Variants in CAMK1D observed in about 807,000 individuals in gnomAD.
CAMK1D encodes calcium/calmodulin-dependent protein kinase type 1D.
In CAMK1D, 9 loss-of-function variants were observed where a neutral mutation model predicts 47.7. That is an observed-to-expected ratio of 0.19 (90% CI 0.11 to 0.33). The LOEUF (loss-of-function observed/expected upper bound fraction) is 0.33. Ranked by LOEUF, CAMK1D falls within the 10% of genes least tolerant of loss-of-function variation. The probability of loss-of-function intolerance (pLI) is 1.00; values close to 1 mark genes in which losing one functional copy is unlikely to be tolerated. For missense variants in CAMK1D, 291 were observed against 488.7 expected, an observed-to-expected ratio of 0.60 and a Z score of 3.81; for synonymous variants, 184 against 184.9, an observed-to-expected ratio of 0.99 and a Z score of 0.04.
At chr10:12,704,570 AAAG>A (rs1257336550) in intron 3 of CAMK1D, among the ~76,000 whole-genome samples, 3 of 152,172 alleles carry the variant, frequency 2.0e-5, no homozygotes, top group African/African-American at 7.2e-5. Flanking sequence ...GGAAAAAAAA[AAAG>A]AAAGATTACC....
At chr10:12,825,519 T>G in intron 9 of CAMK1D, 54 bp from the exon 10 acceptor site, 1 of 1,544,556 alleles carries the variant, frequency 6.5e-7, no homozygotes, top group Non-Finnish European at 8.8e-7. Flanking sequence ...ACAGTTAGAG[T>G]CTTTTCCGAT....
intron 2 of CAMK1D, among the ~76,000 whole-genome samples, chr10:12,618,494 AG>A (rs1371171903): frequency 6.6e-6 from 1 of 152,222 alleles, no homozygotes; most frequent in Non-Finnish European, 1.5e-5. Flanking sequence ...GTCCATAAAG[AG>A]TATCATGGAT....
intron 1 of CAMK1D, among the ~76,000 whole-genome samples, chr10:12,449,843 A>G (rs1428026926): frequency 6.6e-6 from 1 of 152,148 alleles, no homozygotes; most frequent in African/African-American, 2.4e-5. Flanking sequence ...TACTAAAAAT[A>G]TAGAAATTAT....
intron 2 of CAMK1D, among the ~76,000 whole-genome samples, chr10:12,651,101 G>A (rs914245814): frequency 8.6e-5 from 13 of 151,854 alleles, no homozygotes; most frequent in African/African-American, 1.7e-4. Context: ...CTTCCTCCCC[G>A]TGTTTCTTTA....
intron 2 of CAMK1D, among the ~76,000 whole-genome samples, chr10:12,625,307 G>A (rs1322243891): frequency 1.4e-5 from 2 of 138,266 alleles, no homozygotes; most frequent in Non-Finnish European, 3.0e-5. Flanking sequence ...TTGCACTCCA[G>A]CCTGGTGACA....
chr10:12,357,842 G>T (rs1837561621), intron 1 of CAMK1D, among the ~76,000 whole-genome samples: 1 of 152,012 alleles, frequency 6.6e-6, no homozygotes, highest in Non-Finnish European at 1.5e-5. Context: ...TTTCTCCGGG[G>T]TAGTTTTTTA....
chr10:12,623,484 C>T (rs1200180904), intron 2 of CAMK1D, among the ~76,000 whole-genome samples: 8 of 136,472 alleles, frequency 5.9e-5, no homozygotes, highest in African/African-American at 1.7e-4. Context: ...TCCTTCCTCC[C>T]TTCCTTCTTT....
At chr10:12,450,254 T>A (rs1397446003) in intron 1 of CAMK1D, among the ~76,000 whole-genome samples, 2 of 152,218 alleles carry the variant, frequency 1.3e-5, no homozygotes, top group Non-Finnish European at 2.9e-5. Context: ...TTTCTTAATA[T>A]CCAGTTTGTA....
intron 3 of CAMK1D, among the ~76,000 whole-genome samples, chr10:12,689,512 G>A (rs572659257): frequency 6.6e-6 from 1 of 152,186 alleles, no homozygotes; most frequent in South Asian, 2.1e-4. Context: ...GCGTGGTGGT[G>A]ACACCTGTAA....
intron 2 of CAMK1D, among the ~76,000 whole-genome samples, chr10:12,654,280 A>G (rs1425257575): frequency 1.3e-5 from 2 of 152,234 alleles, no homozygotes; most frequent in Admixed American, 1.3e-4. Flanking sequence ...TGAATCTGAA[A>G]CAAGCTTTCT....
intron 2 of CAMK1D, among the ~76,000 whole-genome samples, chr10:12,665,869 G>T (rs906751278): frequency 6.6e-6 from 1 of 152,248 alleles, no homozygotes; most frequent in African/African-American, 2.4e-5. Context: ...ACCTGCTGAC[G>T]CAGGGCCTGC....
chr10:12,663,648 G>A lies in CAMK1D; in HGVS notation c.225-3088G>A, dbSNP rs534121518. On this transcript the variant is annotated intron_variant, in intron 2 of 10. Coordinates refer to ENST00000619168, the MANE Select transcript of CAMK1D (RefSeq NM_153498.4). ...TCTCCACCAAATTCAGAGTACCTAG[G>A]ACTGTGCCTGATACATGGCAGGCAC... 3.8e-4 allele frequency among the ~76,000 whole-genome samples: 58 copies of A among 152,238 alleles called. No individual in the cohort carries two copies. In the South Asian group the frequency reaches 5.0e-3, roughly 13 times the overall value.
At chr10:12,563,011 A>G (rs1025870528) in intron 2 of CAMK1D, among the ~76,000 whole-genome samples, 1 of 152,252 alleles carries the variant, frequency 6.6e-6, no homozygotes, top group African/African-American at 2.4e-5. Context: ...AATAGGATAT[A>G]TGTAGATACA....
intron 3 of CAMK1D, among the ~76,000 whole-genome samples, chr10:12,693,940 AAATATAT>A (rs1258141002): frequency 2.2e-5 from 2 of 90,326 alleles, no homozygotes; most frequent in Non-Finnish European, 4.1e-5. Flanking sequence ...AACATATATA[AAATATAT>A]AATATATATT....
chr10:12,474,384 G>T (rs966640784), intron 1 of CAMK1D, among the ~76,000 whole-genome samples: 8 of 151,796 alleles, frequency 5.3e-5, no homozygotes, highest in Non-Finnish European at 1.2e-4. Flanking sequence ...TAGTAGAGAT[G>T]GGGTTTCACC....
At chr10:12,666,925 G>A in intron 3 of CAMK1D, 115 bp downstream of exon 3, 1 of 831,248 alleles carries the variant, frequency 1.2e-6, no homozygotes, top group Non-Finnish European at 2.0e-6. Context: ...GTAGGGAGCA[G>A]GGAGGCCTGT....
intron 1 of CAMK1D, among the ~76,000 whole-genome samples, chr10:12,413,176 A>C (rs1202765715): frequency 1.3e-5 from 2 of 152,210 alleles, no homozygotes; most frequent in African/African-American, 4.8e-5. Flanking sequence ...AAACCTCAGA[A>C]GCCTCAGAAG....
At chr10:12,397,874 T>TAC (rs1839019630) in intron 1 of CAMK1D, among the ~76,000 whole-genome samples, 2 of 152,102 alleles carry the variant, frequency 1.3e-5, no homozygotes, top group Non-Finnish European at 2.9e-5. Context: ...TCTTGAAAAA[T>TAC]GTAAAGACCT....
chr10:12,425,901 A>G (rs1389733315), intron 1 of CAMK1D, among the ~76,000 whole-genome samples: 1 of 152,236 alleles, frequency 6.6e-6, no homozygotes, highest in African/African-American at 2.4e-5. Flanking sequence ...CCCCAGGAAC[A>G]TTTTTGCATG....
Sources: gnomAD v4.1 joint callset for allele counts (sites outside exome capture counted in the v4.1 genomes callset) on GRCh38, gnomAD v4.1.1 for gene constraint, MANE v1.5 for transcripts, NCBI Gene and HGNC (gene_info 2026-07-23, HGNC 2026-07-21) for gene names.